ROR2: variants seen among roughly 807,000 people sequenced by gnomAD.
ROR2 encodes ROR family WNT receptor 2, also known as tyrosine-protein kinase transmembrane receptor ROR2.
Under a neutral mutation model 74.9 loss-of-function variants are expected in ROR2, and 33 were observed. The observed-to-expected ratio is 0.44, with a 90% CI of 0.33 to 0.59. The LOEUF is 0.59. Ranked by LOEUF, ROR2 falls within the 20% of genes least tolerant of loss-of-function variation. The probability of loss-of-function intolerance (pLI) is 0.02; values close to 1 mark genes in which losing one functional copy is unlikely to be tolerated. For synonymous variants in ROR2, 586 were observed against 558.7 expected (o/e 1.05, Z -0.69); for missense variants, 1,216 against 1,313.8 (o/e 0.93, Z 1.15).
At chr9:91,734,605 G>C (rs1048138268) in intron 5 of ROR2, among the ~76,000 whole-genome samples, 5 of 152,178 alleles carry the variant, frequency 3.3e-5, no homozygotes, top group African/African-American at 1.2e-4. Context: ...ACCCACCCAG[G>C]AACGGGATGG....
At chr9:91,817,799 C>T (rs1221111595) in intron 1 of ROR2, among the ~76,000 whole-genome samples, 2 of 146,498 alleles carry the variant, frequency 1.4e-5, no homozygotes, top group African/African-American at 5.1e-5. Flanking sequence ...GGAGTAAAAG[C>T]AAAAAGAAAA....
chr9:91,839,446 CTA>C (rs766636013), intron 1 of ROR2, among the ~76,000 whole-genome samples: 27 of 146,182 alleles, frequency 1.8e-4, no homozygotes, highest in African/African-American at 3.3e-4. Context: ...TGTGGGGTGT[CTA>C]TGTGTGTGTG....
At chr9:91,911,865 T>C (rs899511936) in intron 1 of ROR2, among the ~76,000 whole-genome samples, 16 of 145,602 alleles carry the variant, frequency 1.1e-4, no homozygotes, top group Non-Finnish European at 1.9e-4. Context: ...GAAATTCACG[T>C]GCTTCCTGCT....
At position 91,942,239 on chromosome 9, in the gene ROR2, A is replaced by C. The variant is rs1017589440; in HGVS notation, c.97+7628T>G. Among the ~76,000 whole-genome samples, 5 of 152,162 alleles carry C rather than the reference A, an allele frequency of 3.3e-5. No individual in the cohort carries two copies. The South Asian group carries it at 1.0e-3, about 32-fold the overall frequency. On this transcript the variant is annotated intron_variant, in intron 1 of 8. Transcript: ENST00000375708. ...ATCAGACTCTCTTCCCCAGATAGAA[A>C]GCAACCTAAATGATGTATGCTCTTG...
intron 1 of ROR2, among the ~76,000 whole-genome samples, chr9:91,937,916 CT>C (rs1831745057): frequency 1.3e-5 from 2 of 152,142 alleles, no homozygotes; most frequent in Non-Finnish European, 2.9e-5. Flanking sequence ...CAGGGTCTTG[CT>C]ATGTTGCCCA....
At chr9:91,834,040 G>A (rs1828544763) in intron 1 of ROR2, among the ~76,000 whole-genome samples, 1 of 152,202 alleles carries the variant, frequency 6.6e-6, no homozygotes, top group South Asian at 2.1e-4. Flanking sequence ...CCTGCAGACT[G>A]TAAAGCTCAT....
chr9:91,743,958 T>A (rs958266455), intron 4 of ROR2, among the ~76,000 whole-genome samples: 1 of 152,170 alleles, frequency 6.6e-6, no homozygotes, highest in Admixed American at 6.5e-5. Flanking sequence ...CATCAATAGG[T>A]GAATAAACAT....
intron 1 of ROR2, among the ~76,000 whole-genome samples, chr9:91,862,418 G>A (rs950361553): frequency 1.3e-5 from 2 of 152,104 alleles, no homozygotes. Flanking sequence ...AGCACTTTGA[G>A]GGACCAAGGC....
chr9:91,887,404 A>G (rs1830312826), intron 1 of ROR2, among the ~76,000 whole-genome samples: 1 of 152,246 alleles, frequency 6.6e-6, no homozygotes, highest in Non-Finnish European at 1.5e-5. Flanking sequence ...ATTTCCTTGC[A>G]TAGGTTTAAC....
chr9:91,741,097 C>G (rs973143390), intron 4 of ROR2, among the ~76,000 whole-genome samples: 3 of 151,962 alleles, frequency 2.0e-5, no homozygotes, highest in African/African-American at 7.3e-5. Context: ...GTCAGGCGAT[C>G]GAGACCATCC....
chr9:91,943,400 T>C (rs1831930625), intron 1 of ROR2, among the ~76,000 whole-genome samples: 2 of 151,968 alleles, frequency 1.3e-5, no homozygotes, highest in Admixed American at 1.3e-4. Flanking sequence ...CAAATATATA[T>C]ATAAATGAAA....
chr9:91,887,202 T>A (rs1306004572), intron 1 of ROR2: 2 of 152,358 alleles, frequency 1.3e-5, no homozygotes, highest in South Asian at 2.1e-4. Flanking sequence ...CCATCGGTTT[T>A]ATAGGTTTGG....
intron 4 of ROR2, among the ~76,000 whole-genome samples, chr9:91,748,220 A>G (rs1045820944): frequency 2.6e-5 from 4 of 152,020 alleles, no homozygotes; most frequent in African/African-American, 9.7e-5. Flanking sequence ...GGTTTCAGTG[A>G]GCCAAGACTG....
chr9:91,909,790 A>T (rs747604909), intron 1 of ROR2, among the ~76,000 whole-genome samples: 4 of 136,568 alleles, frequency 2.9e-5, no homozygotes, highest in Non-Finnish European at 6.2e-5. Flanking sequence ...TCAAATCATT[A>T]GCTATTTTAT....
intron 1 of ROR2, among the ~76,000 whole-genome samples, chr9:91,820,247 C>T (rs183151164): frequency 5.5e-4 from 84 of 152,256 alleles, no homozygotes; most frequent in African/African-American, 1.9e-3. Context: ...GGAAGATGGA[C>T]GTGTTTCTCC....
At chr9:91,818,307 T>C (rs1210397838) in intron 1 of ROR2, among the ~76,000 whole-genome samples, 1 of 152,244 alleles carries the variant, frequency 6.6e-6, no homozygotes, top group Non-Finnish European at 1.5e-5. Flanking sequence ...ATGTCTTTCA[T>C]TCAGGGAGGA....
chr9:91,745,187 G>A (rs184660555), intron 4 of ROR2, among the ~76,000 whole-genome samples: 9 of 151,944 alleles, frequency 5.9e-5, no homozygotes, highest in South Asian at 2.1e-4. Flanking sequence ...ATGCAGTGGC[G>A]CGATCTCGGC....
intron 4 of ROR2, among the ~76,000 whole-genome samples, chr9:91,739,187 A>T (rs1825135190): frequency 6.6e-6 from 1 of 152,202 alleles, no homozygotes; most frequent in Admixed American, 6.5e-5. Context: ...TTTAGAGTAG[A>T]CCATCCCCAA....
intron 1 of ROR2, among the ~76,000 whole-genome samples, chr9:91,874,308 C>T (rs766469651): frequency 5.9e-5 from 9 of 152,194 alleles, no homozygotes; most frequent in Non-Finnish European, 1.2e-4. Context: ...CTCATTTCTG[C>T]CTCGTGAAAG....
Sources: allele counts gnomAD v4.1 joint callset (sites outside exome capture counted in the v4.1 genomes callset), GRCh38; gene constraint gnomAD v4.1.1; transcripts MANE v1.5; gene names NCBI Gene and HGNC (gene_info 2026-07-23, HGNC 2026-07-21).